Variants in SDC2 observed in about 807,000 individuals in gnomAD.
The protein encoded by SDC2 is syndecan 2, also known as syndecan-2.
A neutral mutation model predicts 22.2 loss-of-function variants in SDC2; 13 were observed. The ratio of observed to expected loss-of-function variants is 0.59; its 90% confidence interval spans 0.38 to 0.93. The LOEUF is 0.93. Ranked by LOEUF, SDC2 falls within the 40% of genes least tolerant of loss-of-function variation. The pLI is 0.00. For missense variants in SDC2, 235 were observed against 246.8 expected (o/e 0.95, Z 0.32); for synonymous variants, 94 against 92.8 (o/e 1.01, Z -0.07).
At chr8:96,558,995 C>A (rs532808668) in intron 1 of SDC2, among the ~76,000 whole-genome samples, 1 of 152,244 alleles carries the variant, frequency 6.6e-6, no homozygotes, top group African/African-American at 2.4e-5. Context: ...AGTGGAGGAG[C>A]TGGCTTATTT....
chr8:96,517,344 A>T (rs370221825), intron 1 of SDC2, among the ~76,000 whole-genome samples: 1 of 152,330 alleles, frequency 6.6e-6, no homozygotes, highest in East Asian at 1.9e-4. Flanking sequence ...TATGAAGTCA[A>T]ACTTATCAGT....
At chr8:96,533,741 T>G (rs1813704747) in intron 1 of SDC2, among the ~76,000 whole-genome samples, 1 of 151,834 alleles carries the variant, frequency 6.6e-6, no homozygotes, top group Admixed American at 6.6e-5. Flanking sequence ...GACATAAAGG[T>G]TCTCCAAGTC....
chr8:96,547,580 T>C (rs1352918728), intron 1 of SDC2, among the ~76,000 whole-genome samples: 1 of 152,110 alleles, frequency 6.6e-6, no homozygotes, highest in African/African-American at 2.4e-5. Flanking sequence ...GAATTACAGA[T>C]GGGAATAAAA....
intron 1 of SDC2, among the ~76,000 whole-genome samples, chr8:96,544,337 C>T (rs2589198): frequency 0.84 from 127,024 of 152,066 alleles, 53,470 homozygotes; most frequent in Non-Finnish European, 0.9. Flanking sequence ...CCTCAGTTGC[C>T]GTCTCAGTAC....
chr8:96,604,831 A>G (rs898110849), intron 3 of SDC2, among the ~76,000 whole-genome samples: 4 of 152,154 alleles, frequency 2.6e-5, no homozygotes, highest in African/African-American at 9.7e-5. Flanking sequence ...CTTTTTGCGG[A>G]TTCATTTTGC....
intron 3 of SDC2, among the ~76,000 whole-genome samples, chr8:96,605,446 G>A (rs919847533): frequency 1.3e-5 from 2 of 152,206 alleles, no homozygotes; most frequent in Non-Finnish European, 2.9e-5. Flanking sequence ...GCCAATTAAT[G>A]ATGGGCTTTT....
At chr8:96,590,572 C>A (rs1297466709) in intron 1 of SDC2, among the ~76,000 whole-genome samples, 1 of 152,108 alleles carries the variant, frequency 6.6e-6, no homozygotes, top group East Asian at 1.9e-4. Flanking sequence ...ATTCCAGAAA[C>A]CTTTCAGAAC....
chr8:96,522,368 CTATT>C (rs1813509771), intron 1 of SDC2, among the ~76,000 whole-genome samples: 1 of 150,440 alleles, frequency 6.6e-6, no homozygotes, highest in Non-Finnish European at 1.5e-5. Flanking sequence ...AAGTGGTTAC[CTATT>C]TTTTTTTTTT....
intron 2 of SDC2, among the ~76,000 whole-genome samples, chr8:96,595,851 C>T (rs1165853488): frequency 6.6e-6 from 1 of 152,194 alleles, no homozygotes; most frequent in Non-Finnish European, 1.5e-5. Context: ...ACCCACTGAT[C>T]AGATAGATCA....
At chr8:96,540,179 C>T (rs1303050597) in intron 1 of SDC2, among the ~76,000 whole-genome samples, 5 of 151,352 alleles carry the variant, frequency 3.3e-5, no homozygotes, top group East Asian at 1.9e-4. Context: ...AAAGCCCCCC[C>T]GCCCCGCCAG....
chr8:96,580,333 G>A, intron 1 of SDC2: 1 of 963,310 alleles, frequency 1.0e-6, no homozygotes, highest in Non-Finnish European at 1.2e-6. Flanking sequence ...GCAGCAGGAA[G>A]GGAGAGTCAG....
intron 2 of SDC2, among the ~76,000 whole-genome samples, chr8:96,596,066 C>T (rs1412675555): frequency 6.6e-6 from 1 of 152,196 alleles, no homozygotes; most frequent in Non-Finnish European, 1.5e-5. Context: ...ACTACTCTAA[C>T]CCCTATAACA....
intron 1 of SDC2, among the ~76,000 whole-genome samples, chr8:96,548,801 A>G (rs902265224): frequency 1.3e-5 from 2 of 152,220 alleles, no homozygotes; most frequent in Non-Finnish European, 2.9e-5. Flanking sequence ...TGCAATGAAC[A>G]TGAAACAAGG....
chr8:96,570,532 A>G (rs1586305833), intron 1 of SDC2, among the ~76,000 whole-genome samples: 3 of 152,342 alleles, frequency 2.0e-5, no homozygotes, highest in African/African-American at 7.2e-5. Flanking sequence ...AAAGAAAAAA[A>G]TAATTTCGGC....
At chr8:96,538,120 G>A (rs910029379) in intron 1 of SDC2, among the ~76,000 whole-genome samples, 3 of 151,964 alleles carry the variant, frequency 2.0e-5, no homozygotes, top group East Asian at 1.9e-4. Flanking sequence ...ACACCACCAC[G>A]CCCGGCTAAT....
intron 1 of SDC2, among the ~76,000 whole-genome samples, chr8:96,496,988 T>A (rs1348747194): frequency 6.6e-6 from 1 of 152,208 alleles, no homozygotes; most frequent in East Asian, 1.9e-4. Context: ...TGGTTTTCTG[T>A]CCATTTTGTA....
At chr8:96,600,093 A>T (rs775575152) in intron 2 of SDC2, among the ~76,000 whole-genome samples, 6 of 152,178 alleles carry the variant, frequency 3.9e-5, no homozygotes, top group Non-Finnish European at 8.8e-5. Context: ...CGCAAGTTTG[A>T]AGCTACAGTG....
At chr8:96,506,587 C>T (rs891491764) in intron 1 of SDC2, among the ~76,000 whole-genome samples, 1 of 152,120 alleles carries the variant, frequency 6.6e-6, no homozygotes, top group Non-Finnish European at 1.5e-5. Flanking sequence ...AGGCATTTTA[C>T]TACCTCAGCC....
chr8:96,544,147 T>C (rs1226952361), intron 1 of SDC2, among the ~76,000 whole-genome samples: 5 of 152,202 alleles, frequency 3.3e-5, no homozygotes, highest in African/African-American at 9.7e-5. Context: ...CTGTTTTGGT[T>C]TAATTTGATG....
Sources: gnomAD v4.1 joint callset for allele counts (sites outside exome capture counted in the v4.1 genomes callset) on GRCh38, gnomAD v4.1.1 for gene constraint, MANE v1.5 for transcripts, NCBI Gene and HGNC (gene_info 2026-07-23, HGNC 2026-07-21) for gene names.